CENPP: variants seen among roughly 807,000 people sequenced by gnomAD.
CENPP encodes the protein centromere protein P.
A neutral mutation model predicts 35.6 loss-of-function variants in CENPP; 24 were observed. The ratio of observed to expected loss-of-function variants is 0.67; its 90% confidence interval spans 0.49 to 0.95. CENPP has a LOEUF of 0.95. CENPP is among the 40% of genes least tolerant of loss of function. The pLI, the probability that CENPP is intolerant of heterozygous loss-of-function variation, is 0.00. For missense variants in CENPP, 332 were observed against 345.3 expected (o/e 0.96, Z 0.31); for synonymous variants, 120 against 125.5 (o/e 0.96, Z 0.29).
chr9:92,505,742 A>AT, intron 5 of CENPP: 1 of 1,427,098 alleles, frequency 7.0e-7, no homozygotes, highest in Non-Finnish European at 9.4e-7. Context: ...AACCATGCAA[A>AT]TTTTTGTAGC....
At chr9:92,480,744 A>C (rs1845883429) in intron 5 of CENPP, among the ~76,000 whole-genome samples, 1 of 152,206 alleles carries the variant, frequency 6.6e-6, no homozygotes, top group Admixed American at 6.5e-5. Flanking sequence ...GGGTTTAAAC[A>C]TGCCTATCAG....
At chr9:92,389,302 A>G (rs930949814) in intron 5 of CENPP, among the ~76,000 whole-genome samples, 27 of 152,180 alleles carry the variant, frequency 1.8e-4, no homozygotes, top group Non-Finnish European at 3.8e-4. Context: ...TTTCCTACAT[A>G]ATATTTGCTT....
At chr9:92,397,572 C>T (rs1409501713) in intron 5 of CENPP, among the ~76,000 whole-genome samples, 1 of 152,146 alleles carries the variant, frequency 6.6e-6, no homozygotes, top group African/African-American at 2.4e-5. Flanking sequence ...TCAGGTGGTC[C>T]ACCCGCCTTG....
intron 5 of CENPP, among the ~76,000 whole-genome samples, chr9:92,398,792 C>T (rs1029576515): frequency 6.6e-5 from 10 of 152,050 alleles, no homozygotes; most frequent in South Asian, 2.1e-4. Flanking sequence ...CAAAGTTGGC[C>T]GGGAGTGGTG....
In CENPP at chr9:92,379,806, C is replaced by T; in HGVS notation, c.511C>T (p.His171Tyr). ...TCTGTTCATGTTTTTCCGAAGCCTG[C>T]ATTTTTTTGTGGAGTGGTTTGAATA... ...KDLFMFFRSL[H>Y]FFVEWFEYRK... The change falls in exon 5 of 8, where the codon CAT becomes TAT. Residue 171 changes from histidine to tyrosine, a missense_variant. Coordinates refer to ENST00000375587, the MANE Select transcript of CENPP (RefSeq NM_001012267.3). 1 of 1,613,512 alleles carries T rather than the reference C, an allele frequency of 6.2e-7. No individual in the cohort carries two copies. The highest frequency in any genetic ancestry group is 8.5e-7 in the Non-Finnish European group (1 of 1,179,530).
At chr9:92,533,328 A>AAAAAAAAAAAT (rs1554683138) in intron 5 of CENPP, among the ~76,000 whole-genome samples, 6 of 38,332 alleles carry the variant, frequency 1.6e-4, no homozygotes, top group Non-Finnish European at 2.1e-4. Context: ...AAAAAAAAAA[A>AAAAAAAAAAAT]ATATATATAT....
At chr9:92,558,946 C>T (rs1588274607) in intron 5 of CENPP, among the ~76,000 whole-genome samples, 1 of 152,012 alleles carries the variant, frequency 6.6e-6, no homozygotes, top group Non-Finnish European at 1.5e-5. Flanking sequence ...CACCCAGTTC[C>T]CACGCAAACT....
chr9:92,581,853 C>T (rs894330605), intron 5 of CENPP, among the ~76,000 whole-genome samples: 13 of 152,116 alleles, frequency 8.5e-5, no homozygotes, highest in Admixed American at 6.5e-4. Context: ...CAAAAATACA[C>T]AGTAATACAA....
chr9:92,417,528 A>T (rs1372078828), intron 5 of CENPP: 9 of 1,605,064 alleles, frequency 5.6e-6, no homozygotes, highest in Non-Finnish European at 7.6e-6. Context: ...AAAAAGAAGA[A>T]AATAACATAT....
At chr9:92,470,022 T>G (rs578075952) in intron 5 of CENPP, among the ~76,000 whole-genome samples, 1 of 152,156 alleles carries the variant, frequency 6.6e-6, no homozygotes, top group East Asian at 1.9e-4. Flanking sequence ...AGAGGTGGAG[T>G]CTTGTTGTGT....
intron 5 of CENPP, chr9:92,514,523 C>T: frequency 7.1e-7 from 1 of 1,413,224 alleles, no homozygotes; most frequent in East Asian, 2.4e-5. Context: ...GATCTGGCCA[C>T]CTCAGCCTTT....
At chr9:92,477,780 G>A (rs377595429) in intron 5 of CENPP, among the ~76,000 whole-genome samples, 4 of 151,994 alleles carry the variant, frequency 2.6e-5, no homozygotes, top group African/African-American at 7.2e-5. Flanking sequence ...CAGGTAATAC[G>A]AGATCGTAAA....
chr9:92,516,132 C>T (rs942252938), intron 5 of CENPP, among the ~76,000 whole-genome samples: 3 of 151,242 alleles, frequency 2.0e-5, no homozygotes, highest in African/African-American at 7.3e-5. Context: ...GGCATGATCT[C>T]GGCTCACTGC....
At chr9:92,365,406 C>CTTTTTTT (rs33952600) in intron 4 of CENPP, among the ~76,000 whole-genome samples, 1 of 81,506 alleles carries the variant, frequency 1.2e-5, no homozygotes. Context: ...TATAACTACT[C>CTTTTTTT]TTTTTTTTTT....
At chr9:92,507,550 A>T (rs1847079890) in intron 5 of CENPP, among the ~76,000 whole-genome samples, 1 of 152,196 alleles carries the variant, frequency 6.6e-6, no homozygotes, top group Admixed American at 6.5e-5. Flanking sequence ...CTTGAGGTGG[A>T]TGTTGAAAGG....
intron 5 of CENPP, among the ~76,000 whole-genome samples, chr9:92,412,826 G>T (rs1254614646): frequency 6.6e-6 from 1 of 152,024 alleles, no homozygotes; most frequent in Admixed American, 6.6e-5. Context: ...ACCACATTTT[G>T]TTTATCCATT....
chr9:92,581,401 A>C (rs918832342), intron 5 of CENPP, among the ~76,000 whole-genome samples: 1 of 152,168 alleles, frequency 6.6e-6, no homozygotes, highest in Non-Finnish European at 1.5e-5. Flanking sequence ...ATATATAAAG[A>C]AACTCACACC....
At chr9:92,493,138 T>C (rs1196942779) in intron 5 of CENPP, among the ~76,000 whole-genome samples, 1 of 152,194 alleles carries the variant, frequency 6.6e-6, no homozygotes, top group Non-Finnish European at 1.5e-5. Context: ...GTCATTTAGA[T>C]AGTACCTAGT....
At chr9:92,376,680 G>A (rs556826408) in intron 4 of CENPP, among the ~76,000 whole-genome samples, 59 of 152,280 alleles carry the variant, frequency 3.9e-4, no homozygotes, top group African/African-American at 1.4e-3. Context: ...TTATTATGCA[G>A]ATGGGTTCTC....
Sources: gnomAD v4.1 joint callset for allele counts (sites outside exome capture counted in the v4.1 genomes callset) on GRCh38, gnomAD v4.1.1 for gene constraint, MANE v1.5 for transcripts, NCBI Gene and HGNC (gene_info 2026-07-23, HGNC 2026-07-21) for gene names.